NBAS: variants seen among roughly 807,000 people sequenced by gnomAD.
NBAS encodes the protein NBAS subunit of NRZ tethering complex, also known as NAG/BC035112 fusion.
NBAS carries 219 observed loss-of-function variants against 302.5 expected under a neutral mutation model. The ratio of observed to expected loss-of-function variants is 0.72; its 90% CI spans 0.65 to 0.81. The LOEUF (loss-of-function observed/expected upper bound fraction) is 0.81. Ranked by LOEUF, NBAS falls within the 30% of genes least tolerant of loss-of-function variation. The probability of loss-of-function intolerance (pLI) is 0.00; values close to 1 mark genes in which losing one functional copy is unlikely to be tolerated. For missense variants in NBAS, 2,932 were observed against 2,841.6 expected (o/e 1.03, Z -0.72); for synonymous variants, 1,118 against 1,021.6 (o/e 1.09, Z -1.80).
At chr2:14,835,401 C>T in the NBAS span, among the ~76,000 whole-genome samples, 7 of 152,040 alleles carry the variant, frequency 4.6e-5, no homozygotes, top group Admixed American at 4.6e-4. Flanking sequence ...ATGTATGTAA[C>T]TCCCGGCTAG....
At chr2:14,944,223 C>G in the NBAS span, among the ~76,000 whole-genome samples, 1 of 152,170 alleles carries the variant, frequency 6.6e-6, no homozygotes, top group East Asian at 1.9e-4. Context: ...TGGCGTGAAC[C>G]CGGGAGGCGG....
chr2:15,499,895 T>C lies in NBAS; in HGVS notation c.954+4250A>G, dbSNP rs75959430. ...TTGTTAAAATATGAACACAAAGAAA[T>C]TGTCATGAAATACGGCTTGATAGCA... On this transcript the variant is annotated intron_variant, in intron 11 of 51. Coordinates refer to ENST00000281513, the MANE Select transcript of NBAS (RefSeq NM_015909.4). Among the ~76,000 whole-genome samples the C allele has an allele frequency of 7.6e-3, 1,163 of 152,252 alleles. 18 individuals carry two copies. Among genetic ancestry groups the C allele is most frequent in the East Asian group, 0.057 (295 of 5,182 alleles).
intron 33 of NBAS, among the ~76,000 whole-genome samples, chr2:15,355,153 T>C (rs1673552340): frequency 6.6e-6 from 1 of 152,216 alleles, no homozygotes; most frequent in South Asian, 2.1e-4. Flanking sequence ...AAATCATTAG[T>C]GCAGAGCTCC....
At chr2:15,297,271 T>C (rs999382894) in intron 40 of NBAS, among the ~76,000 whole-genome samples, 2 of 152,204 alleles carry the variant, frequency 1.3e-5, no homozygotes, top group African/African-American at 2.4e-5. Flanking sequence ...TTATATTCGG[T>C]ATGTAGGGAG....
chr2:15,480,463 A>C (rs1044800273), intron 12 of NBAS, among the ~76,000 whole-genome samples: 4 of 152,152 alleles, frequency 2.6e-5, no homozygotes, highest in Admixed American at 6.5e-5. Flanking sequence ...ATCCAAGATC[A>C]CATTTGTTAC....
rs570955909 is a variant in NBAS at position 15,251,294 on chromosome 2, C to T, written c.5725-12608G>A. On this transcript the variant is annotated intron_variant, in intron 44 of 51. Transcript: ENST00000281513. ...GACACAGGGAAGGGAACATCACACA[C>T]CAGGGCCTGTCGGCGGGTGGGGAGC... Among the ~76,000 whole-genome samples, 36 of 152,240 alleles carry T rather than the reference C, an allele frequency of 2.4e-4. 1 individual carries two copies. In the South Asian group the frequency reaches 7.5e-3, roughly 32 times the overall value.
intron 35 of NBAS, among the ~76,000 whole-genome samples, chr2:15,349,520 C>T (rs1435645199): frequency 6.6e-6 from 1 of 152,158 alleles, no homozygotes; most frequent in East Asian, 1.9e-4. Flanking sequence ...AGTGCAACAA[C>T]AACAAAAGAA....
intron 12 of NBAS, among the ~76,000 whole-genome samples, chr2:15,480,251 G>A (rs1680371995): frequency 6.6e-6 from 1 of 151,992 alleles, no homozygotes; most frequent in Non-Finnish European, 1.5e-5. Flanking sequence ...TGAGGTAGGA[G>A]GATCAACTGA....
chr2:15,087,167 T>A, the NBAS span, among the ~76,000 whole-genome samples: 2 of 151,346 alleles, frequency 1.3e-5, no homozygotes, highest in Non-Finnish European at 2.9e-5. Flanking sequence ...CCTGCAGATC[T>A]TGGGACTAGC....
intron 25 of NBAS, among the ~76,000 whole-genome samples, chr2:15,413,933 TAA>T (rs1676801767): frequency 6.6e-6 from 1 of 152,090 alleles, no homozygotes; most frequent in African/African-American, 2.4e-5. Flanking sequence ...AATTGCCAAG[TAA>T]AAACAACAAA....
At chr2:15,553,393 G>A in intron 5 of NBAS, 33 bp downstream of exon 5, 1 of 1,560,290 alleles carries the variant, frequency 6.4e-7, no homozygotes, top group Non-Finnish European at 8.8e-7. Context: ...TTTCTCAAAG[G>A]AAATCTTGAA....
the NBAS span, among the ~76,000 whole-genome samples, chr2:14,782,028 T>G: frequency 3.9e-5 from 6 of 152,206 alleles, no homozygotes; most frequent in African/African-American, 1.2e-4. Context: ...GGCTGTGTAC[T>G]GTTACTGAAG....
At chr2:14,821,708 T>G in the NBAS span, among the ~76,000 whole-genome samples, 1 of 152,042 alleles carries the variant, frequency 6.6e-6, no homozygotes, top group Non-Finnish European at 1.5e-5. Context: ...CACTCTCCTG[T>G]CTGGTTAGAT....
the NBAS span, among the ~76,000 whole-genome samples, chr2:14,848,730 G>C: frequency 6.6e-6 from 1 of 151,274 alleles, no homozygotes; most frequent in Non-Finnish European, 1.5e-5. Context: ...CTGGAGATCT[G>C]AGAACGGGCA....
intron 46 of NBAS, among the ~76,000 whole-genome samples, chr2:15,233,181 T>C (rs1271609094): frequency 1.3e-5 from 2 of 152,206 alleles, no homozygotes; most frequent in Non-Finnish European, 2.9e-5. Context: ...ATGAACACTG[T>C]CAATAAAAAT....
chr2:15,429,787 A>T (rs1677671578), intron 21 of NBAS, among the ~76,000 whole-genome samples: 1 of 152,214 alleles, frequency 6.6e-6, no homozygotes. Context: ...CATAATTTTA[A>T]ATTTCTGAAT....
chr2:15,436,639 A>C (rs1678030248), intron 21 of NBAS, among the ~76,000 whole-genome samples: 1 of 152,236 alleles, frequency 6.6e-6, no homozygotes, highest in Non-Finnish European at 1.5e-5. Flanking sequence ...TGTTGTCTTT[A>C]ACTGTGTCAG....
rs1175062370 is a variant in NBAS, at chr2:15,468,536, G to T, written c.1726-3C>A. On this transcript the variant is annotated splice_region_variant and splice_polypyrimidine_tract_variant and intron_variant, in intron 16 of 51. Coordinates refer to ENST00000281513, the MANE Select transcript of NBAS (RefSeq NM_015909.4). ...CAGGATCGCTTCTTTATTTTACTCTGCATATAAAGGAAGAAACAGAGGAAT... is the reference window on the plus strand; with the variant it reads ...CAGGATCGCTTCTTTATTTTACTCTTCATATAAAGGAAGAAACAGAGGAAT... 5 of 1,613,312 alleles carry T rather than the reference G, an allele frequency of 3.1e-6. No individual in the cohort carries two copies. Among genetic ancestry groups the T allele is most frequent in the Non-Finnish European group, 4.2e-6 (5 of 1,179,506 alleles).
At chr2:14,969,057 A>G in the NBAS span, among the ~76,000 whole-genome samples, 1 of 152,204 alleles carries the variant, frequency 6.6e-6, no homozygotes, top group Admixed American at 6.5e-5. Context: ...ATATGGATGA[A>G]CCTTGAAAAC....
Sources: allele counts gnomAD v4.1 joint callset (sites outside exome capture counted in the v4.1 genomes callset), GRCh38; gene constraint gnomAD v4.1.1; transcripts MANE v1.5; gene names NCBI Gene and HGNC (gene_info 2026-07-23, HGNC 2026-07-21).